Variants in CDK15 observed in about 807,000 individuals in gnomAD.
CDK15 encodes the protein cyclin dependent kinase 15.
Under a neutral mutation model 60.3 loss-of-function variants are expected in CDK15, and 62 were observed. The ratio of observed to expected loss-of-function variants is 1.03; its 90% CI spans 0.84 to 1.27. The LOEUF (loss-of-function observed/expected upper bound fraction) is 1.27. Ranked by LOEUF, CDK15 falls within the 50% of genes most tolerant of loss-of-function variation. CDK15 has a pLI of 0.00. For missense variants in CDK15, 541 were observed against 527.8 expected (o/e 1.03, Z -0.25); for synonymous variants, 194 against 195.7 (o/e 0.99, Z 0.07).
At chr2:201,874,345 G>C (rs907866775) in intron 11 of CDK15, among the ~76,000 whole-genome samples, 1 of 152,140 alleles carries the variant, frequency 6.6e-6, no homozygotes, top group Non-Finnish European at 1.5e-5. Context: ...GAAAATTCTT[G>C]GCTCTTGGAA....
chr2:201,841,193 C>T (rs2105761330), intron 8 of CDK15, among the ~76,000 whole-genome samples: 1 of 152,250 alleles, frequency 6.6e-6, no homozygotes. Context: ...ACCATAGTTG[C>T]TTTTGCATCA....
At chr2:201,819,863 A>G (rs962410313) in intron 4 of CDK15, among the ~76,000 whole-genome samples, 3 of 152,216 alleles carry the variant, frequency 2.0e-5, no homozygotes, top group Admixed American at 1.3e-4. Flanking sequence ...CAACAGAGAA[A>G]TACAAAACAG....
chr2:201,853,258 A>G (rs758455799), intron 9 of CDK15, among the ~76,000 whole-genome samples: 7 of 152,246 alleles, frequency 4.6e-5, no homozygotes, highest in Non-Finnish European at 8.8e-5. Context: ...GGAAAAGCCT[A>G]TAATCCTCTC....
intron 9 of CDK15, among the ~76,000 whole-genome samples, chr2:201,851,581 C>T (rs1697911562): frequency 6.6e-6 from 1 of 152,202 alleles, no homozygotes; most frequent in South Asian, 2.1e-4. Flanking sequence ...GGCCCCACCT[C>T]TTAATACTGT....
intron 4 of CDK15, among the ~76,000 whole-genome samples, chr2:201,819,117 G>A (rs1696113363): frequency 1.3e-5 from 2 of 151,958 alleles, no homozygotes; most frequent in African/African-American, 2.4e-5. Flanking sequence ...CAGAGAGAGA[G>A]GGTAGGATGG....
intron 9 of CDK15, among the ~76,000 whole-genome samples, chr2:201,851,015 G>T (rs1272736333): frequency 6.6e-6 from 1 of 152,078 alleles, no homozygotes; most frequent in Non-Finnish European, 1.5e-5. Context: ...AAATTGGCCG[G>T]GCGCAGTGGC....
intron 12 of CDK15, among the ~76,000 whole-genome samples, chr2:201,881,362 T>C (rs963527720): frequency 1.3e-5 from 2 of 152,220 alleles, no homozygotes; most frequent in African/African-American, 4.8e-5. Flanking sequence ...GTCATTAGTA[T>C]TTATTAAATT....
At chr2:201,875,727 T>G (rs776137736) in intron 11 of CDK15, among the ~76,000 whole-genome samples, 25 of 152,204 alleles carry the variant, frequency 1.6e-4, no homozygotes, top group Non-Finnish European at 2.2e-4. Context: ...ATGATCCCAT[T>G]TTTTTGTAAA....
chr2:201,853,709 A>T (rs1439718470), intron 9 of CDK15, among the ~76,000 whole-genome samples: 1 of 134,804 alleles, frequency 7.4e-6, no homozygotes, highest in Non-Finnish European at 1.6e-5. Flanking sequence ...ATAACTGTCT[A>T]TGGGCTTTTA....
At chr2:201,813,348 T>C (rs1408970630) in intron 4 of CDK15, among the ~76,000 whole-genome samples, 2 of 152,248 alleles carry the variant, frequency 1.3e-5, no homozygotes, top group Admixed American at 6.5e-5. Flanking sequence ...GCCAACATAG[T>C]GAAATGAATC....
intron 6 of CDK15, among the ~76,000 whole-genome samples, chr2:201,826,661 G>T (rs1042909939): frequency 4.6e-5 from 7 of 152,004 alleles, no homozygotes; most frequent in African/African-American, 7.3e-5. Context: ...CAATCTCCAG[G>T]TTCCATTAGT....
At chr2:201,872,362 CTTT>C (rs374280027) in intron 11 of CDK15, 36 bp downstream of exon 11, 141,291 of 1,603,150 alleles carry the variant, frequency 0.088, 6,945 homozygotes, top group African/African-American at 0.12. Flanking sequence ...TTTAAGGGAT[CTTT>C]AAGCAGGATT....
At chr2:201,846,432 G>A (rs2105772713) in intron 8 of CDK15, among the ~76,000 whole-genome samples, 1 of 151,292 alleles carries the variant, frequency 6.6e-6, no homozygotes, top group East Asian at 1.9e-4. Context: ...GGCGGAGGTT[G>A]CAGTGAGCTG....
intron 8 of CDK15, among the ~76,000 whole-genome samples, chr2:201,837,353 G>A (rs1312744564): frequency 7.4e-6 from 1 of 135,238 alleles, no homozygotes; most frequent in African/African-American, 2.7e-5. Flanking sequence ...GAGAGGGAGA[G>A]GGGGAGAAAG....
intron 10 of CDK15, chr2:201,861,559 T>TTTC (rs1559139738): frequency 1.1e-6 from 1 of 935,830 alleles, no homozygotes; most frequent in African/African-American, 2.1e-5. Flanking sequence ...TTGTTTTTTT[T>TTTC]TTTTTCTTTT....
chr2:201,814,176 C>A (rs987015228), intron 4 of CDK15, among the ~76,000 whole-genome samples: 11 of 152,132 alleles, frequency 7.2e-5, no homozygotes, highest in Admixed American at 6.5e-5. Context: ...AACCTTTTGC[C>A]AGGTTTGCTA....
At chr2:201,862,053 C>A (rs1037025213) in intron 10 of CDK15, among the ~76,000 whole-genome samples, 2 of 152,146 alleles carry the variant, frequency 1.3e-5, no homozygotes, top group African/African-American at 4.8e-5. Flanking sequence ...TGCCTGAATC[C>A]GCACATCCTA....
chr2:201,878,312 T>G (rs1297313095), intron 11 of CDK15, among the ~76,000 whole-genome samples: 1 of 151,450 alleles, frequency 6.6e-6, no homozygotes, highest in African/African-American at 2.4e-5. Context: ...GTCAGGCCTC[T>G]CTCCCCATTT....
intron 9 of CDK15, among the ~76,000 whole-genome samples, chr2:201,853,450 A>G (rs1324335120): frequency 6.6e-6 from 1 of 152,214 alleles, no homozygotes; most frequent in Non-Finnish European, 1.5e-5. Context: ...ATAGACACTA[A>G]GATTCTGGAT....
Sources: allele counts gnomAD v4.1 joint callset (sites outside exome capture counted in the v4.1 genomes callset), GRCh38; gene constraint gnomAD v4.1.1; transcripts MANE v1.5; gene names NCBI Gene and HGNC (gene_info 2026-07-23, HGNC 2026-07-21).